Variants in WDR17 observed in about 807,000 individuals in gnomAD.
WDR17 encodes WD repeat domain 17, also known as WD repeat-containing protein 17.
Under a neutral mutation model 161.7 loss-of-function variants are expected in WDR17, and 143 were observed. That is an observed-to-expected ratio of 0.88 (90% CI 0.77 to 1.02). The LOEUF (loss-of-function observed/expected upper bound fraction) is 1.02, where lower values mean the gene tolerates loss of function less well. Ranked by LOEUF, WDR17 falls within the 50% of genes least tolerant of loss-of-function variation. The pLI, the probability that WDR17 is intolerant of heterozygous loss-of-function variation, is 0.00. For synonymous variants in WDR17, 517 were observed against 515.6 expected, an observed-to-expected ratio of 1.00 and a Z score of -0.04; for missense variants, 1,469 against 1,520.9, an observed-to-expected ratio of 0.97 and a Z score of 0.57.
intron 13 of WDR17, 27 bp from the exon 14 acceptor site, chr4:176,149,780 C>T (rs780156092): frequency 6.2e-7 from 1 of 1,605,240 alleles, no homozygotes; most frequent in Non-Finnish European, 8.5e-7. Flanking sequence ...GTTCACTTTA[C>T]TTAAAATAGG....
chr4:176,093,371 G>C (rs1736386956), intron 1 of WDR17, among the ~76,000 whole-genome samples: 3 of 152,058 alleles, frequency 2.0e-5, no homozygotes, highest in Non-Finnish European at 4.4e-5. Flanking sequence ...AAGACCCAGA[G>C]TAGCCAAAAG....
intron 1 of WDR17, among the ~76,000 whole-genome samples, chr4:176,090,440 A>G (rs1161403589): frequency 6.6e-6 from 1 of 152,122 alleles, no homozygotes; most frequent in Non-Finnish European, 1.5e-5. Context: ...CATGAGCCAA[A>G]TAAAACCTCT....
At chr4:176,112,726 A>G (rs1739970571) in intron 2 of WDR17, among the ~76,000 whole-genome samples, 1 of 152,122 alleles carries the variant, frequency 6.6e-6, no homozygotes. Context: ...GCCTCTCTGC[A>G]TGCTTTCATT....
Position 176,181,526 on chromosome 4 carries a change from G to T in WDR17, c.*1947G>T. ...TAGAAGAGAATATACACAACTCAGA[G>T]ATGCAATGGATAATATAAAAAGAGT... is the stretch of plus-strand genomic sequence containing the variant. On this transcript the variant is annotated 3_prime_UTR_variant, in exon 29 of 29. Transcript: ENST00000508596. 4.5e-6 allele frequency: 1 copy of T among 220,876 alleles called. No homozygotes were observed. Among genetic ancestry groups the T allele is most frequent in the Non-Finnish European group, 8.9e-6 (1 of 112,554 alleles). 13.7% of individuals were successfully genotyped at this position (220,876 alleles called of 1,614,324 possible).
intron 5 of WDR17, among the ~76,000 whole-genome samples, chr4:176,128,385 A>G (rs1742788663): frequency 6.7e-6 from 1 of 150,124 alleles, no homozygotes; most frequent in African/African-American, 2.5e-5. Context: ...ATTTAAGGTT[A>G]GAAATGGAGA....
At chr4:176,130,613 CA>C (rs1743252614) in intron 6 of WDR17, among the ~76,000 whole-genome samples, 1 of 151,876 alleles carries the variant, frequency 6.6e-6, no homozygotes, top group East Asian at 1.9e-4. Context: ...GGCGTGGTGG[CA>C]GGAGCCTGTA....
At position 176,163,332 on chromosome 4, in the gene WDR17, T is replaced by G. The variant is rs1402076033; in HGVS notation, c.2990+39T>G. On this transcript the variant is annotated intron_variant, in intron 22 of 28. Coordinates refer to ENST00000508596, the MANE Select transcript of WDR17 (RefSeq NM_181265.4). ...AATTCAAAGAATAATTTCATAGTGA[T>G]GGAATACATTTTTAAAACATTATAA... is the stretch of plus-strand genomic sequence containing the variant. The G allele has an allele frequency of 1.9e-6, 3 of 1,567,474 alleles. No individual in the cohort carries two copies. The Admixed American group carries it at 5.9e-5, about 31-fold the overall frequency.
At chr4:176,080,108 C>T (rs1734552972) in intron 1 of WDR17, among the ~76,000 whole-genome samples, 1 of 151,830 alleles carries the variant, frequency 6.6e-6, no homozygotes, top group Non-Finnish European at 1.5e-5. Context: ...TAGCAGCAGT[C>T]ATCAGTAGCT....
chr4:176,145,033 T>A (rs555516062), intron 11 of WDR17, among the ~76,000 whole-genome samples: 1 of 152,220 alleles, frequency 6.6e-6, no homozygotes, highest in Non-Finnish European at 1.5e-5. Flanking sequence ...ACTGCCGTAT[T>A]TCTACATGTG....
At position 176,160,009 on chromosome 4, in the gene WDR17, A is replaced by G. The variant is rs746170952; in HGVS notation, c.2541A>G (p.Leu847=). 3.7e-6 allele frequency: 6 copies of G among 1,607,282 alleles called. No individual in the cohort carries two copies. Among genetic ancestry groups the G allele is most frequent in the Non-Finnish European group, 5.1e-6 (6 of 1,175,664 alleles). ...KKLMQRRADQ[L]IQEDKDDVIP... is the part of the protein sequence containing the mutation. ...ATTTTATTAGGAGAGCTGACCAATT[A>G]ATCCAGGAAGATAAGGATGATGTCA... Residue 847 remains leucine (L), a synonymous_variant, in exon 19 of 29, where the codon TTA becomes TTG. Transcript: ENST00000508596.
Position 176,128,755 on chromosome 4 carries a change from T to C in WDR17, c.808T>C (p.Leu270=), listed in dbSNP as rs138083783. The C allele has an allele frequency of 6.2e-5, 99 of 1,599,846 alleles. No individual in the cohort carries two copies. In the Admixed American group the frequency reaches 7.2e-4, roughly 12 times the overall value. ...CTGACTAGATTCTCAAGTGGGTGTTTTACGCATTTGGAATGTTTCAAGAAC... is the reference window on the plus strand; with the variant it reads ...CTGACTAGATTCTCAAGTGGGTGTTCTACGCATTTGGAATGTTTCAAGAAC... ...FITGDSQVGV[L]RIWNVSRTTP... Residue 270 remains leucine (L), a synonymous_variant, in exon 6 of 29, where the codon TTA becomes CTA. Coordinates refer to ENST00000508596, the MANE Select transcript of WDR17 (RefSeq NM_181265.4).
intron 22 of WDR17, among the ~76,000 whole-genome samples, chr4:176,166,549 C>T (rs147174212): frequency 0.012 from 1,879 of 152,224 alleles, 16 homozygotes; most frequent in Non-Finnish European, 0.02. Flanking sequence ...ATTTGATTAA[C>T]ATTGAAGGAA....
At chr4:176,146,225 T>A (rs1265652623) in intron 12 of WDR17, 66 bp downstream of exon 12, 3 of 1,507,370 alleles carry the variant, frequency 2.0e-6, no homozygotes, top group African/African-American at 2.8e-5. Context: ...CCTAGAAATG[T>A]ACATATTTAT....
At chr4:176,158,379 G>T (rs1466929931) in intron 18 of WDR17, among the ~76,000 whole-genome samples, 1 of 151,842 alleles carries the variant, frequency 6.6e-6, no homozygotes, top group African/African-American at 2.4e-5. Flanking sequence ...AGATGAGGAA[G>T]GTATAACATA....
intron 1 of WDR17, among the ~76,000 whole-genome samples, chr4:176,081,483 A>G (rs1208707395): frequency 1.3e-5 from 2 of 152,024 alleles, no homozygotes; most frequent in Non-Finnish European, 2.9e-5. Context: ...GTTCCTCCAA[A>G]TATGTGTTCA....
chr4:176,174,789 G>T, intron 26 of WDR17, 71 bp downstream of exon 26: 2 of 904,914 alleles, frequency 2.2e-6, no homozygotes, highest in South Asian at 1.7e-5. Context: ...GTCTCTAAGT[G>T]GATTATACAA....
intron 1 of WDR17, among the ~76,000 whole-genome samples, chr4:176,088,800 G>A (rs1359071112): frequency 2.6e-5 from 4 of 152,072 alleles, no homozygotes; most frequent in African/African-American, 9.7e-5. Flanking sequence ...CCTGTCCCAT[G>A]ATGGGGATTA....
At chr4:176,094,365 C>T (rs1013076357) in intron 1 of WDR17, among the ~76,000 whole-genome samples, 1 of 152,146 alleles carries the variant, frequency 6.6e-6, no homozygotes, top group Non-Finnish European at 1.5e-5. Flanking sequence ...CAATTTATAT[C>T]TACACAAATA....
At position 176,139,960 on chromosome 4, in the gene WDR17, C is replaced by T. The variant is rs1005009893; in HGVS notation, c.1428C>T (p.Ser476=). ...ATTCTAAAAGAATAGCAACCTGCAG[C>T]AGTGATGGTTTCTGGTAAGTACTAT... ...HKDSKRIATC[S]SDGFCIIRTI... Residue 476 remains serine, a synonymous_variant, in exon 10 of 29, where the codon AGC becomes AGT. Coordinates refer to ENST00000508596, the MANE Select transcript of WDR17 (RefSeq NM_181265.4). The T allele has an allele frequency of 6.2e-7, 1 of 1,610,924 alleles. No individual in the cohort carries two copies. The highest frequency in any genetic ancestry group is 8.5e-7 in the Non-Finnish European group (1 of 1,177,974).
Sources: allele counts gnomAD v4.1 joint callset (sites outside exome capture counted in the v4.1 genomes callset), GRCh38; gene constraint gnomAD v4.1.1; transcripts MANE v1.5; gene names NCBI Gene and HGNC (gene_info 2026-07-23, HGNC 2026-07-21).